The following RGS7 variants were observed in gnomAD, a reference collection of about 807,000 sequenced individuals.
RGS7 encodes regulator of G protein signaling 7.
In RGS7, 27 loss-of-function variants were observed where a neutral mutation model predicts 81.1. The observed-to-expected ratio is 0.33, with a 90% CI of 0.25 to 0.46. The LOEUF is 0.46. RGS7 is among the 20% of genes least tolerant of loss of function. RGS7 has a pLI of 1.00. For synonymous variants in RGS7, 208 were observed against 207.7 expected, an observed-to-expected ratio of 1.00 and a Z score of -0.01; for missense variants, 396 against 607.4, an observed-to-expected ratio of 0.65 and a Z score of 3.66.
At chr1:241,036,831 T>G (rs1195771665) in intron 3 of RGS7, among the ~76,000 whole-genome samples, 1 of 152,118 alleles carries the variant, frequency 6.6e-6, no homozygotes, top group Non-Finnish European at 1.5e-5. Flanking sequence ...TGAACAGAAA[T>G]GTTTAGTCCT....
chr1:241,287,771 G>C (rs1043186451), intron 2 of RGS7, among the ~76,000 whole-genome samples: 1 of 151,962 alleles, frequency 6.6e-6, no homozygotes, highest in East Asian at 1.9e-4. Flanking sequence ...ACACGACAGA[G>C]GGACTTCTAA....
chr1:240,841,928 T>C (rs79889169), intron 9 of RGS7, among the ~76,000 whole-genome samples: 6,062 of 152,134 alleles, frequency 0.04, 441 homozygotes, highest in African/African-American at 0.14. Context: ...GATGACAAAC[T>C]AGTTAAGATT....
chr1:241,321,798 G>A (rs919383183), intron 2 of RGS7, among the ~76,000 whole-genome samples: 9 of 151,990 alleles, frequency 5.9e-5, no homozygotes, highest in African/African-American at 1.5e-4. Flanking sequence ...CTCAATCAGC[G>A]CTCAAAAATG....
At position 240,796,919 on chromosome 1, in the gene RGS7, C is replaced by A. The variant is rs148460220; in HGVS notation, c.*6+3722G>T. Among the ~76,000 whole-genome samples the A allele has an allele frequency of 6.4e-4, 98 of 152,280 alleles. No individual in the cohort carries two copies. In the East Asian group the frequency reaches 0.018, roughly 29 times the overall value. The stretch of plus-strand genomic sequence containing the variant: ...TCTATTGATTCTTTTAAAGTCTCTA[C>A]AGATAATTGTCTTCATTAAGATAGA... On this transcript the variant is annotated intron_variant, in intron 18 of 18. Coordinates refer to ENST00000440928, the MANE Select transcript of RGS7 (RefSeq NM_001364886.1).
chr1:241,020,738 C>T (rs184647101), intron 3 of RGS7, among the ~76,000 whole-genome samples: 70 of 152,280 alleles, frequency 4.6e-4, no homozygotes, highest in African/African-American at 1.7e-3. Context: ...TCCATATAAA[C>T]TTCTATATTG....
chr1:240,949,503 C>T (rs1679195958), intron 4 of RGS7, among the ~76,000 whole-genome samples: 1 of 152,128 alleles, frequency 6.6e-6, no homozygotes, highest in Admixed American at 6.6e-5. Context: ...CACTCTCCCT[C>T]TCTCTACCCT....
At chr1:240,896,334 T>G (rs1214608046) in intron 6 of RGS7, among the ~76,000 whole-genome samples, 1 of 152,206 alleles carries the variant, frequency 6.6e-6, no homozygotes, top group Non-Finnish European at 1.5e-5. Context: ...TTGCTTTTGG[T>G]GTTTTAGACA....
intron 2 of RGS7, among the ~76,000 whole-genome samples, chr1:241,207,000 G>T (rs534521789): frequency 9.5e-6 from 1 of 105,282 alleles, no homozygotes; most frequent in Non-Finnish European, 1.7e-5. Flanking sequence ...ATGGAGTCTC[G>T]CTCTGTTGCC....
intron 2 of RGS7, among the ~76,000 whole-genome samples, chr1:241,110,930 C>T (rs1320740993): frequency 2.0e-5 from 3 of 152,066 alleles, no homozygotes; most frequent in Non-Finnish European, 4.4e-5. Flanking sequence ...AGTGATCCAC[C>T]CGCCCCAGCC....
intron 6 of RGS7, among the ~76,000 whole-genome samples, chr1:240,929,597 T>G (rs528419613): frequency 3.7e-4 from 56 of 152,196 alleles, no homozygotes; most frequent in Non-Finnish European, 6.5e-4. Context: ...TTTATTGATT[T>G]TCTATGAATT....
intron 9 of RGS7, among the ~76,000 whole-genome samples, chr1:240,849,224 C>T (rs1016389273): frequency 2.6e-5 from 4 of 152,124 alleles, no homozygotes; most frequent in Admixed American, 6.5e-5. Context: ...CAACAAGTTA[C>T]CCCCTTCGTT....
At chr1:241,026,483 GGA>G (rs1442557264) in intron 3 of RGS7, among the ~76,000 whole-genome samples, 2 of 152,010 alleles carry the variant, frequency 1.3e-5, no homozygotes, top group Non-Finnish European at 2.9e-5. Context: ...CAGCTACTCG[GGA>G]GGCTGAGGCA....
chr1:240,897,964 G>A (rs1188524664), intron 6 of RGS7, among the ~76,000 whole-genome samples: 1 of 152,158 alleles, frequency 6.6e-6, no homozygotes, highest in Non-Finnish European at 1.5e-5. Context: ...TTCAAAGCCT[G>A]TTATTGGTCT....
intron 12 of RGS7, 85 bp downstream of exon 12, chr1:240,814,631 G>T: frequency 1.2e-6 from 1 of 849,556 alleles, no homozygotes; most frequent in Non-Finnish European, 2.0e-6. Context: ...CCCAACTCCT[G>T]TCCCCACAGT....
intron 9 of RGS7, among the ~76,000 whole-genome samples, chr1:240,860,605 C>T (rs887139360): frequency 4.6e-5 from 7 of 151,980 alleles, no homozygotes; most frequent in African/African-American, 1.5e-4. Context: ...ACGCTTGCTT[C>T]GCCAGGCTAT....
intron 2 of RGS7, among the ~76,000 whole-genome samples, chr1:241,349,577 A>G (rs1350728606): frequency 6.6e-6 from 1 of 152,218 alleles, no homozygotes; most frequent in Admixed American, 6.5e-5. Flanking sequence ...AGGGCATTAA[A>G]AAGAAGCCAA....
At chr1:241,331,637 C>T (rs2148660195) in intron 2 of RGS7, among the ~76,000 whole-genome samples, 2 of 152,266 alleles carry the variant, frequency 1.3e-5, no homozygotes, top group South Asian at 4.1e-4. Context: ...TATTTACTTA[C>T]TAGTTACACC....
intron 3 of RGS7, among the ~76,000 whole-genome samples, chr1:241,086,126 G>A (rs2063428791): frequency 6.6e-6 from 1 of 152,128 alleles, no homozygotes; most frequent in African/African-American, 2.4e-5. Flanking sequence ...GTATTCATTG[G>A]TTTCAAATAT....
At chr1:240,788,267 T>A (rs990986908) in intron 18 of RGS7, among the ~76,000 whole-genome samples, 7 of 152,232 alleles carry the variant, frequency 4.6e-5, no homozygotes, top group African/African-American at 1.4e-4. Context: ...GCCATATATT[T>A]AATTATAAAC....
Sources: allele counts gnomAD v4.1 joint callset (sites outside exome capture counted in the v4.1 genomes callset), GRCh38; gene constraint gnomAD v4.1.1; transcripts MANE v1.5; gene names NCBI Gene and HGNC (gene_info 2026-07-23, HGNC 2026-07-21).